Variants in NPAS3 observed in about 807,000 individuals in gnomAD.
NPAS3 encodes neuronal PAS domain protein 3, also known as neuronal PAS domain-containing protein 3.
A neutral mutation model predicts 73.1 loss-of-function variants in NPAS3; 14 were observed. The observed-to-expected ratio is 0.19, with a 90% CI of 0.13 to 0.30. The LOEUF is 0.30. Among genes scored for constraint, NPAS3 ranks in the 10% least tolerant of loss-of-function variants. NPAS3 has a pLI of 1.00. For synonymous variants in NPAS3, 620 were observed against 541.5 expected, an observed-to-expected ratio of 1.14 and a Z score of -2.01; for missense variants, 1,096 against 1,250.0, an observed-to-expected ratio of 0.88 and a Z score of 1.86.
At chr14:33,595,383 C>T (rs1235322893) in intron 5 of NPAS3, among the ~76,000 whole-genome samples, 1 of 152,050 alleles carries the variant, frequency 6.6e-6, no homozygotes, top group African/African-American at 2.4e-5. Context: ...ACCTATCAAT[C>T]TGCCTTATCC....
At chr14:33,616,680 T>C (rs1471950665) in intron 5 of NPAS3, among the ~76,000 whole-genome samples, 2 of 152,198 alleles carry the variant, frequency 1.3e-5, no homozygotes, top group African/African-American at 4.8e-5. Flanking sequence ...AGCAACTCTT[T>C]AAAACCGCAA....
chr14:33,543,780 C>A (rs2054625060), intron 4 of NPAS3, among the ~76,000 whole-genome samples: 1 of 151,974 alleles, frequency 6.6e-6, no homozygotes, highest in African/African-American at 2.4e-5. Flanking sequence ...GGAATTCAAA[C>A]CTACAGGGGA....
At chr14:33,305,421 C>G (rs1310361422) in intron 3 of NPAS3, among the ~76,000 whole-genome samples, 1 of 152,076 alleles carries the variant, frequency 6.6e-6, no homozygotes, top group East Asian at 1.9e-4. Context: ...AGGACATTCT[C>G]ACCTTGCAAA....
chr14:33,121,852 AT>A (rs1243695016), intron 2 of NPAS3, among the ~76,000 whole-genome samples: 1 of 152,142 alleles, frequency 6.6e-6, no homozygotes, highest in Non-Finnish European at 1.5e-5. Flanking sequence ...ATTTCTAAGG[AT>A]TTGATTATAC....
At chr14:32,972,914 G>A (rs1431978396) in intron 1 of NPAS3, among the ~76,000 whole-genome samples, 5 of 152,168 alleles carry the variant, frequency 3.3e-5, no homozygotes, top group Non-Finnish European at 5.9e-5. Context: ...AACCGCTACT[G>A]TACCTGAAAT....
intron 2 of NPAS3, among the ~76,000 whole-genome samples, chr14:33,175,239 TG>T (rs1180505621): frequency 2.6e-5 from 4 of 152,212 alleles, no homozygotes; most frequent in African/African-American, 4.8e-5. Flanking sequence ...ACAAAGTTTT[TG>T]TTGTACTTTT....
At chr14:33,181,250 G>A (rs1958004) in intron 2 of NPAS3, among the ~76,000 whole-genome samples, 142,617 of 152,242 alleles carry the variant, frequency 0.94, 67,210 homozygotes, top group Non-Finnish European at 0.99. Context: ...GTGTATATTT[G>A]TGGAAGGAAA....
intron 5 of NPAS3, among the ~76,000 whole-genome samples, chr14:33,607,009 A>T (rs774119596): frequency 6.6e-6 from 1 of 152,250 alleles, no homozygotes; most frequent in Non-Finnish European, 1.5e-5. Flanking sequence ...AATGCAGATT[A>T]AAACTACAGT....
chr14:33,333,350 G>T (rs762993208), intron 3 of NPAS3, among the ~76,000 whole-genome samples: 1 of 152,132 alleles, frequency 6.6e-6, no homozygotes. Context: ...ACATTTTCAT[G>T]ATACTTTTCT....
chr14:33,634,015 T>C (rs185606564), intron 5 of NPAS3, among the ~76,000 whole-genome samples: 18 of 152,242 alleles, frequency 1.2e-4, no homozygotes, highest in African/African-American at 4.3e-4. Flanking sequence ...TTGTGGCACA[T>C]GACTGCTGTA....
intron 2 of NPAS3, among the ~76,000 whole-genome samples, chr14:33,194,565 G>A (rs1279725239): frequency 6.6e-6 from 1 of 152,076 alleles, no homozygotes; most frequent in East Asian, 1.9e-4. Context: ...ATGGTTTGTT[G>A]CCTTTTTCTT....
At chr14:33,575,119 A>G (rs1044589170) in intron 5 of NPAS3, among the ~76,000 whole-genome samples, 2 of 152,116 alleles carry the variant, frequency 1.3e-5, no homozygotes, top group African/African-American at 2.4e-5. Flanking sequence ...CAAAAATCCT[A>G]GGAAATTCTA....
intron 5 of NPAS3, among the ~76,000 whole-genome samples, chr14:33,655,725 G>T (rs2059126760): frequency 1.3e-5 from 2 of 152,048 alleles, no homozygotes; most frequent in South Asian, 4.2e-4. Context: ...TGGGTTTTTT[G>T]TTTTGTTTCG....
intron 2 of NPAS3, among the ~76,000 whole-genome samples, chr14:33,173,516 A>G (rs1404643984): frequency 6.6e-6 from 1 of 152,206 alleles, no homozygotes; most frequent in East Asian, 1.9e-4. Flanking sequence ...AAAAAAAACT[A>G]CAAAAACTTT....
intron 1 of NPAS3, among the ~76,000 whole-genome samples, chr14:32,951,295 A>G (rs908928488): frequency 3.3e-5 from 5 of 152,160 alleles, no homozygotes; most frequent in Admixed American, 2.6e-4. Context: ...GGTATTATAA[A>G]TGGCAGATTG....
chr14:33,286,283 A>G (rs2041869799), intron 3 of NPAS3, among the ~76,000 whole-genome samples: 2 of 152,204 alleles, frequency 1.3e-5, no homozygotes, highest in Admixed American at 6.5e-5. Context: ...ATATAATTAT[A>G]TCTCATACTT....
intron 4 of NPAS3, among the ~76,000 whole-genome samples, chr14:33,403,108 T>A (rs191754701): frequency 3.9e-5 from 6 of 152,226 alleles, no homozygotes; most frequent in Admixed American, 3.3e-4. Context: ...GATAAAACCT[T>A]CAATACCAGT....
At chr14:33,287,390 G>T (rs561109612) in intron 3 of NPAS3, among the ~76,000 whole-genome samples, 1 of 152,154 alleles carries the variant, frequency 6.6e-6, no homozygotes, top group Non-Finnish European at 1.5e-5. Flanking sequence ...AGTCAGAGGA[G>T]GTGAGGCGTG....
At chr14:33,258,214 C>T (rs759596780) in intron 3 of NPAS3, among the ~76,000 whole-genome samples, 3 of 152,002 alleles carry the variant, frequency 2.0e-5, no homozygotes, top group Admixed American at 6.5e-5. Flanking sequence ...CTGGGCAACA[C>T]GTTAAACCTC....
Sources: allele counts gnomAD v4.1 joint callset (sites outside exome capture counted in the v4.1 genomes callset), GRCh38; gene constraint gnomAD v4.1.1; transcripts MANE v1.5; gene names NCBI Gene and HGNC (gene_info 2026-07-23, HGNC 2026-07-21).